The following MYO1B variants were observed in gnomAD, a reference collection of about 807,000 sequenced individuals.
MYO1B encodes unconventional myosin-Ib.
MYO1B carries 72 observed loss-of-function variants against 159.7 expected under a neutral mutation model. The observed-to-expected ratio is 0.45, with a 90% CI of 0.37 to 0.55. MYO1B has a LOEUF of 0.55. MYO1B is among the 20% of genes least tolerant of loss of function. The pLI is 0.00. For synonymous variants in MYO1B, 468 were observed against 473.8 expected, an observed-to-expected ratio of 0.99 and a Z score of 0.16; for missense variants, 1,062 against 1,364.8, an observed-to-expected ratio of 0.78 and a Z score of 3.50.
chr2:191,300,065 C>A (rs912094789), intron 3 of MYO1B, among the ~76,000 whole-genome samples: 2 of 152,178 alleles, frequency 1.3e-5, no homozygotes, highest in Non-Finnish European at 2.9e-5. Flanking sequence ...TATTTTCCTG[C>A]ATTTTTCTTT....
intron 30 of MYO1B, among the ~76,000 whole-genome samples, chr2:191,422,120 C>T (rs370664958): frequency 1.7e-3 from 262 of 152,294 alleles, no homozygotes; most frequent in African/African-American, 6.0e-3. Flanking sequence ...TGTGGATCCT[C>T]ACATCGCTGG....
At chr2:191,354,427 A>G (rs1693139393) in intron 7 of MYO1B, among the ~76,000 whole-genome samples, 1 of 152,042 alleles carries the variant, frequency 6.6e-6, no homozygotes, top group Non-Finnish European at 1.5e-5. Context: ...TTCTGTGCTA[A>G]TCATTTAAAA....
chr2:191,310,790 C>G (rs1466653823), intron 3 of MYO1B, among the ~76,000 whole-genome samples: 1 of 152,146 alleles, frequency 6.6e-6, no homozygotes, highest in Non-Finnish European at 1.5e-5. Context: ...AAATTGCCAT[C>G]TTGCATTTCA....
intron 3 of MYO1B, among the ~76,000 whole-genome samples, chr2:191,312,664 G>A (rs2125865831): frequency 6.6e-6 from 1 of 152,318 alleles, no homozygotes; most frequent in East Asian, 1.9e-4. Context: ...GTTATTTATA[G>A]TTAACTTGTC....
intron 2 of MYO1B, 126 bp downstream of exon 2, chr2:191,277,156 A>G (rs532299073): frequency 2.6e-6 from 3 of 1,172,630 alleles, no homozygotes; most frequent in East Asian, 4.9e-5. Context: ...TTTGCTTTAT[A>G]CCCTCAGAAA....
intron 1 of MYO1B, chr2:191,246,068 G>C (rs1349194275): frequency 6.6e-6 from 1 of 152,378 alleles, no homozygotes; most frequent in Non-Finnish European, 1.5e-5. Flanking sequence ...GGCGTCCTGG[G>C]GAGTGGGGTT....
chr2:191,346,193 T>G (rs1157359759), intron 5 of MYO1B, 43 bp from the exon 6 acceptor site: 1 of 1,397,728 alleles, frequency 7.2e-7, no homozygotes, highest in Non-Finnish European at 9.8e-7. Flanking sequence ...TGCTTGAGAT[T>G]ATTATTATTT....
chr2:191,422,538 T>A (rs1698002917), intron 30 of MYO1B, among the ~76,000 whole-genome samples: 1 of 152,172 alleles, frequency 6.6e-6, no homozygotes, highest in African/African-American at 2.4e-5. Context: ...ACTAATGGAT[T>A]TTTTAAATTT....
intron 13 of MYO1B, among the ~76,000 whole-genome samples, chr2:191,373,981 T>C (rs1694540078): frequency 2.0e-5 from 3 of 152,198 alleles, no homozygotes; most frequent in Admixed American, 6.5e-5. Context: ...AATTTATTTG[T>C]GGGGAGGTTA....
intron 27 of MYO1B, among the ~76,000 whole-genome samples, chr2:191,412,194 G>A (rs1697288551): frequency 6.6e-6 from 1 of 152,168 alleles, no homozygotes; most frequent in South Asian, 2.1e-4. Flanking sequence ...TGTCCAAAGT[G>A]CCTGTTATAT....
At chr2:191,335,232 C>G (rs1446225597) in intron 4 of MYO1B, among the ~76,000 whole-genome samples, 1 of 152,168 alleles carries the variant, frequency 6.6e-6, no homozygotes. Flanking sequence ...GTCCTTTTCA[C>G]TTATGGAACC....
intron 26 of MYO1B, among the ~76,000 whole-genome samples, chr2:191,409,997 TC>T (rs1697163578): frequency 6.6e-6 from 1 of 152,208 alleles, no homozygotes; most frequent in South Asian, 2.1e-4. Context: ...GTTAGAATCA[TC>T]TATGTATAGA....
intron 5 of MYO1B, among the ~76,000 whole-genome samples, chr2:191,341,806 A>C (rs1302938205): frequency 1.3e-5 from 2 of 152,130 alleles, no homozygotes; most frequent in African/African-American, 4.8e-5. Flanking sequence ...TCCCCACTCA[A>C]TTTTTATTTG....
chr2:191,290,552 C>T (rs1300651202), intron 2 of MYO1B, among the ~76,000 whole-genome samples: 3 of 152,168 alleles, frequency 2.0e-5, no homozygotes, highest in Non-Finnish European at 2.9e-5. Context: ...ATCAATGTAT[C>T]ACATATAGTA....
intron 18 of MYO1B, among the ~76,000 whole-genome samples, chr2:191,391,546 A>G (rs1161696366): frequency 6.6e-6 from 1 of 151,802 alleles, no homozygotes; most frequent in African/African-American, 2.4e-5. Flanking sequence ...CCTGGCATCT[A>G]GTCTGCAGGT....
In MYO1B at chr2:191,423,984, T is replaced by C. The variant is rs1698104489; in HGVS notation, c.*24T>C. ...AACTGGCGCCTCCTCTCTACTTTCA[T>C]GGACTTGTTCCTTTGTAATAGTGCA... On this transcript the variant is annotated 3_prime_UTR_variant, in exon 31 of 31. Transcript: ENST00000392318. The C allele has an allele frequency of 5.0e-6, 8 of 1,610,516 alleles. No individual in the cohort carries two copies. The highest frequency in any genetic ancestry group is 6.8e-6 in the Non-Finnish European group (8 of 1,178,626).
chr2:191,246,888 C>T lies in MYO1B; in HGVS notation c.-10+1262C>T, dbSNP rs369893712. ...AGCGTTTGGGGTTTGAACTGAGGAG[C>T]CCTGGCATTGAAGTGTTCTGTGCTT... On this transcript the variant is annotated intron_variant, in intron 1 of 30. Coordinates refer to ENST00000392318, the MANE Select transcript of MYO1B (RefSeq NM_001130158.3). Among the ~76,000 whole-genome samples, 14 of 152,190 alleles carry T rather than the reference C, an allele frequency of 9.2e-5. No individual in the cohort carries two copies. In the East Asian group the frequency reaches 2.5e-3, roughly 27 times the overall value.
intron 27 of MYO1B, among the ~76,000 whole-genome samples, chr2:191,412,736 G>A (rs1044163380): frequency 6.6e-6 from 1 of 152,156 alleles, no homozygotes; most frequent in Non-Finnish European, 1.5e-5. Context: ...TTTTTCCTTG[G>A]TGCCTTTGAT....
At chr2:191,272,000 T>A (rs4146103) in intron 1 of MYO1B, among the ~76,000 whole-genome samples, 65,950 of 151,968 alleles carry the variant, frequency 0.43, 14,481 homozygotes, top group Middle Eastern at 0.53. Context: ...ATGCTATAGG[T>A]TGTTTATGCT....
Sources: gnomAD v4.1 joint callset for allele counts (sites outside exome capture counted in the v4.1 genomes callset) on GRCh38, gnomAD v4.1.1 for gene constraint, MANE v1.5 for transcripts, NCBI Gene and HGNC (gene_info 2026-07-23, HGNC 2026-07-21) for gene names.